The following SLC9A9 variants were observed in gnomAD, a reference collection of about 807,000 sequenced individuals.
SLC9A9 encodes the protein solute carrier family 9 member A9, also known as sodium/hydrogen exchanger 9.
Under a neutral mutation model 77.8 loss-of-function variants are expected in SLC9A9, and 62 were observed. The ratio of observed to expected loss-of-function variants is 0.80; its 90% CI spans 0.65 to 0.98. The LOEUF is 0.98. Among genes scored for constraint, SLC9A9 ranks in the 50% least tolerant of loss-of-function variants. The pLI, the probability that SLC9A9 is intolerant of heterozygous loss-of-function variation, is 0.00. For missense variants in SLC9A9, 775 were observed against 774.9 expected, an observed-to-expected ratio of 1.00 and a Z score of 0.00; for synonymous variants, 320 against 283.5, an observed-to-expected ratio of 1.13 and a Z score of -1.29.
intron 4 of SLC9A9, among the ~76,000 whole-genome samples, chr3:143,701,319 G>A (rs1282460056): frequency 6.6e-6 from 1 of 152,072 alleles, no homozygotes; most frequent in Admixed American, 6.5e-5. Context: ...TAAGGCACCA[G>A]GGAACAATTT....
intron 4 of SLC9A9, among the ~76,000 whole-genome samples, chr3:143,753,873 A>G (rs567551209): frequency 1.5e-3 from 232 of 152,346 alleles, no homozygotes; most frequent in Non-Finnish European, 2.6e-3. Flanking sequence ...GGGATAAAGA[A>G]AAAAACATTT....
At chr3:143,770,246 G>GA (rs1471065955) in intron 4 of SLC9A9, among the ~76,000 whole-genome samples, 1 of 151,362 alleles carries the variant, frequency 6.6e-6, no homozygotes, top group East Asian at 1.9e-4. Context: ...AAAATTCTTG[G>GA]AAAAAAGGAA....
intron 6 of SLC9A9, among the ~76,000 whole-genome samples, chr3:143,593,864 G>A (rs1472396667): frequency 1.3e-5 from 2 of 152,172 alleles, no homozygotes; most frequent in Non-Finnish European, 2.9e-5. Context: ...CATGGGAAAA[G>A]TATGATAAAC....
At chr3:143,821,625 T>C (rs1162580610) in intron 2 of SLC9A9, among the ~76,000 whole-genome samples, 6 of 152,224 alleles carry the variant, frequency 3.9e-5, no homozygotes, top group Admixed American at 1.3e-4. Context: ...AGTGATGGGC[T>C]TGTAAACCAT....
At chr3:143,638,773 C>G (rs1455242155) in intron 6 of SLC9A9, among the ~76,000 whole-genome samples, 1 of 152,226 alleles carries the variant, frequency 6.6e-6, no homozygotes, top group African/African-American at 2.4e-5. Context: ...CCCTCTATTG[C>G]TGAACAGCTG....
intron 12 of SLC9A9, among the ~76,000 whole-genome samples, chr3:143,414,870 T>G (rs1212866994): frequency 6.6e-6 from 1 of 152,202 alleles, no homozygotes; most frequent in Admixed American, 6.5e-5. Context: ...AAAGCCAAGG[T>G]AGGCTGAGAG....
At chr3:143,683,667 C>T (rs748673274) in intron 5 of SLC9A9, among the ~76,000 whole-genome samples, 2 of 151,966 alleles carry the variant, frequency 1.3e-5, no homozygotes, top group Non-Finnish European at 2.9e-5. Flanking sequence ...GAGATGGGTA[C>T]CAAAGTACAT....
intron 6 of SLC9A9, chr3:143,626,639 A>T (rs912988135): frequency 6.6e-6 from 1 of 152,062 alleles, no homozygotes; most frequent in African/African-American, 2.4e-5. Flanking sequence ...TGGGGGAGGG[A>T]TAGCATTTGG....
At chr3:143,424,152 T>C (rs965069957) in intron 12 of SLC9A9, among the ~76,000 whole-genome samples, 1 of 152,192 alleles carries the variant, frequency 6.6e-6, no homozygotes, top group Non-Finnish European at 1.5e-5. Context: ...GGTTGCATTG[T>C]GGTTACGTAG....
chr3:143,302,839 G>A (rs2030587676), intron 14 of SLC9A9, among the ~76,000 whole-genome samples: 2 of 152,178 alleles, frequency 1.3e-5, no homozygotes, highest in Admixed American at 1.3e-4. Flanking sequence ...GAATCATCAC[G>A]TTTTCTGGAA....
At chr3:143,270,081 A>T (rs988155409) in intron 14 of SLC9A9, among the ~76,000 whole-genome samples, 25 of 152,204 alleles carry the variant, frequency 1.6e-4, no homozygotes, top group African/African-American at 6.0e-4. Flanking sequence ...CCTTGTTATG[A>T]TGCGAGGAGA....
chr3:143,519,806 G>A (rs2036265884), intron 9 of SLC9A9, among the ~76,000 whole-genome samples: 1 of 152,056 alleles, frequency 6.6e-6, no homozygotes. Context: ...ACCAAAGTTG[G>A]GATGTAAGAG....
Position 143,635,159 on chromosome 3 carries a change from G to A in SLC9A9, c.755+17096C>T, listed in dbSNP as rs114840682. ...ATGGGGTTGCAGGATCCACTTCAAA[G>A]ATGGATCGCCCACATGTCTGGCAAG... On this transcript the variant is annotated intron_variant, in intron 6 of 15. Coordinates refer to ENST00000316549, the MANE Select transcript of SLC9A9 (RefSeq NM_173653.4). Among the ~76,000 whole-genome samples, 1,144 of 152,332 alleles carry A rather than the reference G, an allele frequency of 7.5e-3. 16 individuals are homozygous for A. The highest frequency in any genetic ancestry group is 0.025 in the African/African-American group (1,038 of 41,568).
intron 12 of SLC9A9, among the ~76,000 whole-genome samples, chr3:143,401,023 T>C (rs1299709292): frequency 6.6e-6 from 1 of 152,190 alleles, no homozygotes; most frequent in Non-Finnish European, 1.5e-5. Context: ...TTTTTCCCTC[T>C]ACATCTACTC....
chr3:143,836,161 G>C (rs1013091538), intron 1 of SLC9A9, among the ~76,000 whole-genome samples: 1 of 152,200 alleles, frequency 6.6e-6, no homozygotes, highest in African/African-American at 2.4e-5. Flanking sequence ...CCAGAACCCT[G>C]ATAAAGTCTG....
At chr3:143,618,816 A>T (rs1485745065) in intron 6 of SLC9A9, among the ~76,000 whole-genome samples, 1 of 152,230 alleles carries the variant, frequency 6.6e-6, no homozygotes, top group Admixed American at 6.5e-5. Flanking sequence ...ATAGCTATTT[A>T]TTTGAAGAAG....
intron 5 of SLC9A9, among the ~76,000 whole-genome samples, chr3:143,683,733 A>G (rs1234442919): frequency 6.6e-6 from 1 of 152,166 alleles, no homozygotes; most frequent in Non-Finnish European, 1.5e-5. Context: ...CCTCTCATCT[A>G]TAAGAATAGA....
chr3:143,664,591 T>C (rs1016414035), intron 5 of SLC9A9, among the ~76,000 whole-genome samples: 33 of 152,210 alleles, frequency 2.2e-4, no homozygotes, highest in African/African-American at 8.0e-4. Context: ...ACCCATCTCA[T>C]GTGCAGAGAC....
chr3:143,671,634 T>C (rs1239528777), intron 5 of SLC9A9, among the ~76,000 whole-genome samples: 1 of 152,152 alleles, frequency 6.6e-6, no homozygotes, highest in South Asian at 2.1e-4. Context: ...TATGATGGAG[T>C]TTTACAGACA....
Sources: gnomAD v4.1 joint callset for allele counts (sites outside exome capture counted in the v4.1 genomes callset) on GRCh38, gnomAD v4.1.1 for gene constraint, MANE v1.5 for transcripts, NCBI Gene and HGNC (gene_info 2026-07-23, HGNC 2026-07-21) for gene names.